The following SNX25 variants were observed in gnomAD, a reference collection of about 807,000 sequenced individuals.
The protein encoded by SNX25 is sorting nexin-25.
A neutral mutation model predicts 113.7 loss-of-function variants in SNX25; 62 were observed. The ratio of observed to expected loss-of-function variants is 0.55; its 90% CI spans 0.44 to 0.67. The LOEUF is 0.67. Ranked by LOEUF, SNX25 falls within the 30% of genes least tolerant of loss-of-function variation. The pLI is 0.00. For synonymous variants in SNX25, 421 were observed against 436.2 expected, an observed-to-expected ratio of 0.97 and a Z score of 0.43; for missense variants, 1,014 against 1,161.0, an observed-to-expected ratio of 0.87 and a Z score of 1.84.
In SNX25 at chr4:185,363,705, TGAAATA is replaced by T. The variant is rs2095376597; in HGVS notation, c.*241_*246del. The T allele has an allele frequency of 2.8e-6, 1 of 357,578 alleles. No homozygotes were observed. Among genetic ancestry groups the T allele is most frequent in the African/African-American group, 2.1e-5 (1 of 48,770 alleles). 22.2% of individuals were successfully genotyped at this position (357,578 alleles called of 1,614,324 possible). ...ATACTTTAAAGATCAACATACCGAT[TGAAATA>T]CAAATGTTAATATGTGAGAACCTAG... On this transcript the variant is annotated 3_prime_UTR_variant, in exon 19 of 19. Transcript: ENST00000652585. The surrounding 1 kb of genome is among the most constrained non-coding windows in gnomAD (Gnocchi z 4.2).
intron 15 of SNX25, among the ~76,000 whole-genome samples, chr4:185,354,945 G>A (rs1000230002): frequency 2.0e-5 from 3 of 152,206 alleles, no homozygotes; most frequent in South Asian, 2.1e-4. Flanking sequence ...ATAGTGCAGC[G>A]TCCATGTCCT....
intron 1 of SNX25, among the ~76,000 whole-genome samples, chr4:185,216,480 G>C (rs1025275532): frequency 6.7e-6 from 1 of 149,328 alleles, no homozygotes; most frequent in Admixed American, 6.7e-5. Flanking sequence ...TGCTAATCAA[G>C]TGTACCCAGG....
chr4:185,208,246 A>G (rs1273881219), upstream of SNX25, among the ~76,000 whole-genome samples: 1 of 151,926 alleles, frequency 6.6e-6, no homozygotes, highest in Non-Finnish European at 1.5e-5. Context: ...TTGAACTCCT[A>G]ACTTCATGAT....
chr4:185,298,093 C>CTTTTTTT (rs6148841), intron 6 of SNX25, among the ~76,000 whole-genome samples: 49,317 of 136,014 alleles, frequency 0.36, 10,175 homozygotes, highest in East Asian at 0.53. Context: ...ATAGTAACTT[C>CTTTTTTT]TTTTTTTTTT....
At chr4:185,239,714 GT>G (rs72188299) in intron 1 of SNX25, among the ~76,000 whole-genome samples, 8 of 141,666 alleles carry the variant, frequency 5.6e-5, no homozygotes, top group South Asian at 4.5e-4. Flanking sequence ...TTTTGTTTCG[GT>G]TTTTTTTTGT....
upstream of SNX25, among the ~76,000 whole-genome samples, chr4:185,208,998 A>G (rs928105177): frequency 2.6e-5 from 4 of 152,160 alleles, no homozygotes; most frequent in African/African-American, 9.7e-5. Context: ...AAAAAACAAA[A>G]AACAAAACAA....
intron 7 of SNX25, among the ~76,000 whole-genome samples, chr4:185,314,614 C>T (rs903222899): frequency 2.0e-5 from 3 of 151,984 alleles, no homozygotes; most frequent in African/African-American, 7.3e-5. Flanking sequence ...AATCCCAACA[C>T]TTTAGGAGGC....
chr4:185,310,892 T>A, intron 7 of SNX25, 76 bp downstream of exon 7: 1 of 1,398,262 alleles, frequency 7.2e-7, no homozygotes, highest in South Asian at 1.5e-5. Context: ...ATAAAGACTT[T>A]CAACTTTTTA....
chr4:185,374,316 T>C, downstream of SNX25: 1 of 1,614,108 alleles, frequency 6.2e-7, no homozygotes, highest in Non-Finnish European at 8.5e-7. Flanking sequence ...CAGGTAGGAT[T>C]ACCTTTCAGC....
chr4:185,352,106 A>G (rs1157270177), intron 14 of SNX25, among the ~76,000 whole-genome samples: 1 of 152,192 alleles, frequency 6.6e-6, no homozygotes, highest in African/African-American at 2.4e-5. Context: ...AGCATGGGAT[A>G]TTCTGAAGCA....
the SNX25 span, chr4:185,376,912 T>C: frequency 4.4e-6 from 7 of 1,607,700 alleles, no homozygotes; most frequent in Non-Finnish European, 6.0e-6. Context: ...ATGATACCTC[T>C]TCAAAATATA....
chr4:185,376,817 A>G, the SNX25 span: 1 of 836,598 alleles, frequency 1.2e-6, no homozygotes, highest in South Asian at 1.6e-5. Context: ...TTTCCCTAGT[A>G]TAACACAGTA....
intron 9 of SNX25, among the ~76,000 whole-genome samples, chr4:185,325,810 G>A (rs765889852): frequency 3.9e-5 from 6 of 152,108 alleles, no homozygotes; most frequent in Non-Finnish European, 7.3e-5. Context: ...GTCAAAAAGT[G>A]ACATTCTTTA....
chr4:185,294,679 C>T (rs986771029), intron 6 of SNX25, among the ~76,000 whole-genome samples: 17 of 152,232 alleles, frequency 1.1e-4, no homozygotes, highest in African/African-American at 3.1e-4. Context: ...CTGATGCTGC[C>T]GCATTATTAG....
At chr4:185,222,533 C>A (rs940451197) in intron 1 of SNX25, among the ~76,000 whole-genome samples, 1 of 152,128 alleles carries the variant, frequency 6.6e-6, no homozygotes, top group African/African-American at 2.4e-5. Context: ...AGGTATACAG[C>A]GCCCTATATC....
chr4:185,301,380 CTT>C (rs199570597), intron 6 of SNX25, among the ~76,000 whole-genome samples: 1 of 151,548 alleles, frequency 6.6e-6, no homozygotes, highest in East Asian at 1.9e-4. Flanking sequence ...GTTAGTCAGA[CTT>C]TTTTTTTATT....
At chr4:185,208,070 G>C (rs909261283), upstream of SNX25, among the ~76,000 whole-genome samples, 14 of 152,102 alleles carry the variant, frequency 9.2e-5, no homozygotes, top group African/African-American at 3.4e-4. Flanking sequence ...CTATTTTAGA[G>C]GCAAAAGGGC....
intron 13 of SNX25, among the ~76,000 whole-genome samples, chr4:185,347,627 C>G (rs1008316621): frequency 6.6e-6 from 1 of 152,000 alleles, no homozygotes; most frequent in Non-Finnish European, 1.5e-5. Flanking sequence ...CCTGCCACCA[C>G]GCCTGGCTAA....
chr4:185,257,520 A>G (rs1284248085), intron 2 of SNX25, among the ~76,000 whole-genome samples: 1 of 152,236 alleles, frequency 6.6e-6, no homozygotes, highest in African/African-American at 2.4e-5. Context: ...GAAAAAAAGC[A>G]AAGTATTTTA....
Sources: allele counts gnomAD v4.1 joint callset (sites outside exome capture counted in the v4.1 genomes callset), GRCh38; gene constraint gnomAD v4.1.1; non-coding constraint Gnocchi (gnomAD v3.1); transcripts MANE v1.5; gene names NCBI Gene and HGNC (gene_info 2026-07-23, HGNC 2026-07-21).